MARCHF8: variants seen among roughly 807,000 people sequenced by gnomAD.
MARCHF8 encodes E3 ubiquitin-protein ligase MARCHF8.
In MARCHF8, 40 loss-of-function variants were observed where a neutral mutation model predicts 51.6. The observed-to-expected ratio is 0.77, with a 90% CI of 0.60 to 1.01. MARCHF8 has a LOEUF of 1.01. Among genes scored for constraint, MARCHF8 ranks in the 50% least tolerant of loss-of-function variants. The probability of loss-of-function intolerance (pLI) is 0.00; values close to 1 mark genes in which losing one functional copy is unlikely to be tolerated. For missense variants in MARCHF8, 685 were observed against 708.6 expected, an observed-to-expected ratio of 0.97 and a Z score of 0.38; for synonymous variants, 263 against 280.3, an observed-to-expected ratio of 0.94 and a Z score of 0.62.
At chr10:45,500,261 T>TTGTG (rs896999020) in intron 2 of MARCHF8, among the ~76,000 whole-genome samples, 36 of 152,066 alleles carry the variant, frequency 2.4e-4, no homozygotes, top group African/African-American at 7.0e-4. Context: ...CACAGCTGAT[T>TTGTG]TGTGTGTGTG....
chr10:45,563,605 T>G lies in MARCHF8; in HGVS notation c.-78-30316A>C, dbSNP rs949806949. Among the ~76,000 whole-genome samples, 4 of 152,102 alleles carry G rather than the reference T, an allele frequency of 2.6e-5. 1 individual carries two copies. The highest frequency in any genetic ancestry group is 5.9e-5 in the Non-Finnish European group (4 of 68,022). On this transcript the variant is annotated intron_variant, in intron 1 of 6. Coordinates refer to the MARCHF8 transcript ENST00000319836. ...ATCAAGTGAAAAAACCTTAATTGTATTTTTAAAAGGAACAAAAAAGAAAAG... is the reference window on the plus strand; with the variant it reads ...ATCAAGTGAAAAAACCTTAATTGTAGTTTTAAAAGGAACAAAAAAGAAAAG...
intron 1 of MARCHF8, among the ~76,000 whole-genome samples, chr10:45,541,548 A>G (rs766511152): frequency 6.6e-6 from 1 of 152,236 alleles, no homozygotes; most frequent in African/African-American, 2.4e-5. Context: ...GTGCACATGT[A>G]CCCTAAAACT....
At chr10:45,576,266 C>T (rs2133406689) in intron 1 of MARCHF8, among the ~76,000 whole-genome samples, 1 of 152,276 alleles carries the variant, frequency 6.6e-6, no homozygotes, top group South Asian at 2.1e-4. Context: ...TGGGGAATTG[C>T]TTTTCAACAA....
chr10:45,570,006 A>G (rs2044411917), intron 1 of MARCHF8, among the ~76,000 whole-genome samples: 1 of 152,204 alleles, frequency 6.6e-6, no homozygotes, highest in Admixed American at 6.5e-5. Context: ...GACACAAGAT[A>G]AAACTTTTAA....
At chr10:45,545,100 T>C (rs2044103789) in intron 1 of MARCHF8, among the ~76,000 whole-genome samples, 4 of 152,200 alleles carry the variant, frequency 2.6e-5, no homozygotes, top group Admixed American at 2.0e-4. Flanking sequence ...CATTCATAGT[T>C]CTTTATAGGA....
At position 45,512,784 on chromosome 10, in the gene MARCHF8, G is replaced by C. The variant is rs542426004; in HGVS notation, c.102+20326C>G. Reference sequence around the variant, plus strand: ...AATGGCGGTTTTGTGGAATAGAAAGGGGGGAAAGGTGGGGAAAAGATTGGG... The same window carrying C: ...AATGGCGGTTTTGTGGAATAGAAAGCGGGGAAAGGTGGGGAAAAGATTGGG... On this transcript the variant is annotated intron_variant, in intron 2 of 7. Coordinates refer to ENST00000453424, the MANE Select transcript of MARCHF8 (RefSeq NM_001282866.2). Among the ~76,000 whole-genome samples, 6 of 152,254 alleles carry C rather than the reference G, an allele frequency of 3.9e-5. No individual in the cohort carries two copies. The East Asian group carries it at 5.8e-4, about 15-fold the overall frequency.
chr10:45,494,216 C>G (rs373690817), intron 2 of MARCHF8, among the ~76,000 whole-genome samples: 5 of 152,230 alleles, frequency 3.3e-5, no homozygotes, highest in African/African-American at 1.2e-4. Context: ...ATGTTTTTCA[C>G]AAGTCCACAT....
chr10:45,569,480 T>G lies in MARCHF8; in HGVS notation c.-79+24755A>C, dbSNP rs181396768. Among the ~76,000 whole-genome samples, 663 of 152,340 alleles carry G rather than the reference T, an allele frequency of 4.4e-3. 9 individuals are homozygous for G. The highest frequency in any genetic ancestry group is 0.015 in the African/African-American group (623 of 41,570). On this transcript the variant is annotated intron_variant, in intron 1 of 6. Transcript: ENST00000319836. Reference sequence around the variant, plus strand: ...TGGTCATGTTGAATGATCTTTCTAATGTATTGCTCAATTTAGTTTACTAGT... The same window carrying G: ...TGGTCATGTTGAATGATCTTTCTAAGGTATTGCTCAATTTAGTTTACTAGT...
chr10:45,553,287 T>C (rs1017091200), intron 1 of MARCHF8: 4 of 152,188 alleles, frequency 2.6e-5, no homozygotes, highest in Non-Finnish European at 5.9e-5. Flanking sequence ...CTCAATCTAC[T>C]TTAAACAGAG....
In MARCHF8 at chr10:45,464,239, C is replaced by T; in HGVS notation, c.242G>A (p.Ser81Asn). 1 of 1,614,046 alleles carries T rather than the reference C, an allele frequency of 6.2e-7. No homozygotes were observed. The highest frequency in any genetic ancestry group is 8.5e-7 in the Non-Finnish European group (1 of 1,179,898). ...SITPSSQDICSSSAVFSECCH... is the reference protein window; with the variant it reads ...SITPSSQDICNSSAVFSECCH... ...GGCAGCATCTGAAGCAGAGTGTTAC[C>T]TGCAGATGTCCTGGCTGGATGGCGT... is the stretch of plus-strand genomic sequence containing the variant. Residue 81 changes from serine to asparagine, a missense_variant and splice_region_variant, in exon 4 of 8, where the codon AGT (serine) becomes AAT (asparagine). By Grantham distance (46) the Ser-to-Asn change is conservative (BLOSUM62 1). Coordinates refer to ENST00000453424, the MANE Select transcript of MARCHF8 (RefSeq NM_001282866.2).
chr10:45,587,996 C>CAT (rs2133441320), intron 1 of MARCHF8, among the ~76,000 whole-genome samples: 1 of 152,168 alleles, frequency 6.6e-6, no homozygotes, highest in East Asian at 1.9e-4. Flanking sequence ...AACCTAGACC[C>CAT]ATAGCTCATA....
At chr10:45,533,345 CA>C (rs2043920826) in intron 1 of MARCHF8, 56 bp from the exon 2 acceptor site, 1 of 1,112,144 alleles carries the variant, frequency 9.0e-7, no homozygotes, top group East Asian at 2.9e-5. Flanking sequence ...TTTAAATTTC[CA>C]AGAGTGAGCT....
chr10:45,463,271 C>T lies in MARCHF8; in HGVS notation c.968G>A (p.Ser323Asn). 6.4e-7 allele frequency: 1 copy of T among 1,551,008 alleles called. No individual in the cohort carries two copies. The highest frequency in any genetic ancestry group is 8.7e-7 in the Non-Finnish European group (1 of 1,147,088). ...GCAGAGGGGCGCCCGCAGAACCCTA[C>T]TCTTCAGTTTTGCAGATGTGCTGTC... ...FEDSTSAKLK[S>N]RVLRAPLCST... is the part of the protein sequence containing the mutation. Residue 323 changes from serine (S) to asparagine (N), a missense_variant, in exon 5 of 8, where the codon AGT becomes AAT. Transcript: ENST00000453424.
At chr10:45,589,872 C>T (rs996512854) in intron 1 of MARCHF8, among the ~76,000 whole-genome samples, 1 of 152,192 alleles carries the variant, frequency 6.6e-6, no homozygotes, top group Non-Finnish European at 1.5e-5. Context: ...CTACTGTGAA[C>T]ATGTACATAC....
At chr10:45,589,154 T>C (rs1186665675) in intron 1 of MARCHF8, among the ~76,000 whole-genome samples, 3 of 152,144 alleles carry the variant, frequency 2.0e-5, no homozygotes, top group African/African-American at 7.2e-5. Context: ...CTCAGTAGTT[T>C]AAAACAATGG....
intron 2 of MARCHF8, among the ~76,000 whole-genome samples, chr10:45,531,994 G>A (rs1384786608): frequency 6.6e-6 from 1 of 152,112 alleles, no homozygotes; most frequent in Non-Finnish European, 1.5e-5. Context: ...TGCCATTGCT[G>A]CTGAAGCTCT....
chr10:45,592,238 T>G (rs1039756232), intron 1 of MARCHF8, among the ~76,000 whole-genome samples: 5 of 152,302 alleles, frequency 3.3e-5, no homozygotes, highest in African/African-American at 1.2e-4. Context: ...AATTTCAAAA[T>G]TGAAAACCCT....
At chr10:45,528,514 C>G (rs1396333409) in intron 2 of MARCHF8, among the ~76,000 whole-genome samples, 6 of 152,184 alleles carry the variant, frequency 3.9e-5, no homozygotes, top group Admixed American at 2.0e-4. Context: ...GGCTGGAGCA[C>G]AGTGGCGCAG....
intron 2 of MARCHF8, among the ~76,000 whole-genome samples, chr10:45,497,188 A>G (rs1182452367): frequency 6.6e-6 from 1 of 152,158 alleles, no homozygotes; most frequent in Non-Finnish European, 1.5e-5. Context: ...ATCAGATAAA[A>G]AAGACTTAGG....
Sources: allele counts gnomAD v4.1 joint callset (sites outside exome capture counted in the v4.1 genomes callset), GRCh38; gene constraint gnomAD v4.1.1; transcripts MANE v1.5; gene names NCBI Gene and HGNC (gene_info 2026-07-23, HGNC 2026-07-21).